Variants in PSD3 observed in about 807,000 individuals in gnomAD.
PSD3 encodes the protein PH and SEC7 domain-containing protein 3.
Under a neutral mutation model 105.5 loss-of-function variants are expected in PSD3, and 49 were observed. That is an observed-to-expected ratio of 0.46 (90% CI 0.37 to 0.59). The LOEUF (loss-of-function observed/expected upper bound fraction) is 0.59. Among genes scored for constraint, PSD3 ranks in the 20% least tolerant of loss-of-function variants. The probability of loss-of-function intolerance (pLI) is 0.00; values close to 1 mark genes in which losing one functional copy is unlikely to be tolerated. For synonymous variants in PSD3, 557 were observed against 457.8 expected (o/e 1.22, Z -2.77); for missense variants, 1,561 against 1,263.8 (o/e 1.24, Z -3.57).
chr8:18,669,965 T>G (rs562370427), intron 9 of PSD3, among the ~76,000 whole-genome samples: 4 of 152,190 alleles, frequency 2.6e-5, no homozygotes, highest in South Asian at 2.1e-4. Context: ...AATCCAGTGG[T>G]GAACAACAGA....
At chr8:18,745,987 G>C (rs1245229399) in intron 9 of PSD3, among the ~76,000 whole-genome samples, 10 of 152,330 alleles carry the variant, frequency 6.6e-5, no homozygotes, top group African/African-American at 2.2e-4. Context: ...CAGACAGACA[G>C]AGGCAGGTCC....
At chr8:18,667,803 C>T (rs1431704640) in intron 9 of PSD3, among the ~76,000 whole-genome samples, 1 of 152,212 alleles carries the variant, frequency 6.6e-6, no homozygotes, top group Admixed American at 6.5e-5. Flanking sequence ...GCATGGCGGG[C>T]TGCAGAGCCT....
intron 11 of PSD3, 43 bp downstream of exon 11, chr8:18,632,570 G>C (rs1226046572): frequency 6.4e-7 from 1 of 1,551,402 alleles, no homozygotes; most frequent in African/African-American, 1.4e-5. Flanking sequence ...TGAGCATAAA[G>C]ATAAAATAAA....
chr8:18,693,577 G>A (rs971402637), intron 9 of PSD3, among the ~76,000 whole-genome samples: 3 of 152,156 alleles, frequency 2.0e-5, no homozygotes, highest in Admixed American at 2.0e-4. Context: ...AAAGGTATAA[G>A]CCATGTGACC....
Position 18,777,133 on chromosome 8 carries a change from C to A in PSD3, c.2083-11595G>T, listed in dbSNP as rs1808177763. Among the ~76,000 whole-genome samples the A allele has an allele frequency of 2.0e-5, 3 of 152,120 alleles. No homozygotes were observed. The South Asian group carries it at 6.2e-4, about 31-fold the overall frequency. ...TCTTGGCTCACTGAAACCTCTGCCT[C>A]CTGGGTTCAAGCAATTCTTGTGCCT... is the stretch of plus-strand genomic sequence containing the variant. On this transcript the variant is annotated intron_variant, in intron 8 of 15. Transcript: ENST00000327040.
chr8:18,589,882 T>C (rs1027949976), intron 12 of PSD3, among the ~76,000 whole-genome samples: 1 of 152,234 alleles, frequency 6.6e-6, no homozygotes, highest in Non-Finnish European at 1.5e-5. Context: ...AGTTGTTCTT[T>C]GCGTCTGAGG....
chr8:18,689,675 G>A (rs559423140), intron 9 of PSD3, among the ~76,000 whole-genome samples: 1 of 152,332 alleles, frequency 6.6e-6, no homozygotes, highest in South Asian at 2.1e-4. Flanking sequence ...TACTGAAACA[G>A]AGTAAAGTGA....
intron 9 of PSD3, among the ~76,000 whole-genome samples, chr8:18,670,973 T>C (rs567751402): frequency 9.5e-4 from 144 of 152,194 alleles, no homozygotes; most frequent in Non-Finnish European, 1.8e-3. Context: ...ACATTAGATT[T>C]TATGCTCCTT....
intron 9 of PSD3, among the ~76,000 whole-genome samples, chr8:18,693,780 T>C (rs936202905): frequency 2.6e-5 from 4 of 152,210 alleles, no homozygotes; most frequent in African/African-American, 9.6e-5. Flanking sequence ...ATCCTCAAAA[T>C]AGCCTCCTCC....
chr8:18,622,883 T>G (rs765029102), intron 11 of PSD3, among the ~76,000 whole-genome samples: 8 of 152,174 alleles, frequency 5.3e-5, no homozygotes, highest in Non-Finnish European at 1.0e-4. Context: ...ATCTGTACTC[T>G]TACAGGTTCA....
intron 9 of PSD3, among the ~76,000 whole-genome samples, chr8:18,722,882 A>G (rs1285471571): frequency 6.6e-6 from 1 of 152,132 alleles, no homozygotes; most frequent in Non-Finnish European, 1.5e-5. Flanking sequence ...CTATTTCAGC[A>G]CCCGTTATGC....
At position 18,635,316 on chromosome 8, in the gene PSD3, T is replaced by C. The variant is rs1807173510; in HGVS notation, c.2217-2510A>G. 3.9e-5 allele frequency among the ~76,000 whole-genome samples: 6 copies of C among 152,250 alleles called. No individual in the cohort carries two copies. In the South Asian group the frequency reaches 1.2e-3, roughly 32 times the overall value. ...GAGAACAGTATTTAGAAATCAAATCTCGGGGCTAGGTGTGCTCATTGCTTT... is the reference window on the plus strand; with the variant it reads ...GAGAACAGTATTTAGAAATCAAATCCCGGGGCTAGGTGTGCTCATTGCTTT... On this transcript the variant is annotated intron_variant, in intron 10 of 15. Coordinates refer to ENST00000327040, the MANE Select transcript of PSD3 (RefSeq NM_015310.4).
chr8:18,995,736 G>A lies in PSD3; in HGVS notation c.21+17827C>T, dbSNP rs563167556. Among the ~76,000 whole-genome samples the A allele has an allele frequency of 5.3e-4, 80 of 152,058 alleles. 1 individual carries two copies. Among genetic ancestry groups the A allele is most frequent in the South Asian group, 1.9e-3 (9 of 4,760 alleles). On this transcript the variant is annotated intron_variant, in intron 1 of 15. Coordinates refer to ENST00000327040, the MANE Select transcript of PSD3 (RefSeq NM_015310.4). ...CGGCCAAAGGCACATCTTACATAGT[G>A]GCAGGCAAGAGAGCATGTGCAGGGG...
intron 4 of PSD3, among the ~76,000 whole-genome samples, chr8:18,821,044 G>A (rs1252342293): frequency 6.6e-6 from 1 of 152,104 alleles, no homozygotes; most frequent in Non-Finnish European, 1.5e-5. Flanking sequence ...TGGAGTCACT[G>A]CACCCAGCCT....
intron 9 of PSD3, among the ~76,000 whole-genome samples, chr8:18,666,542 G>A (rs150180524): frequency 2.0e-5 from 3 of 152,140 alleles, no homozygotes; most frequent in African/African-American, 2.4e-5. Flanking sequence ...AAGTCCAAAT[G>A]CTGGTTCATC....
intron 4 of PSD3, among the ~76,000 whole-genome samples, chr8:18,818,561 A>G (rs1355791507): frequency 6.6e-6 from 1 of 152,140 alleles, no homozygotes; most frequent in East Asian, 1.9e-4. Flanking sequence ...AAAAGAGGTT[A>G]GTGACATAAG....
chr8:19,037,018 C>A (rs1827964980), intron 1 of PSD3, among the ~76,000 whole-genome samples: 1 of 152,200 alleles, frequency 6.6e-6, no homozygotes, highest in Non-Finnish European at 1.5e-5. Flanking sequence ...CTACTCCCAC[C>A]ACTAATTAGA....
chr8:18,727,769 C>T (rs949508292), intron 9 of PSD3, among the ~76,000 whole-genome samples: 1 of 152,116 alleles, frequency 6.6e-6, no homozygotes, highest in African/African-American at 2.4e-5. Flanking sequence ...GTTATTTATA[C>T]TTCCCTATTA....
At chr8:18,913,837 C>A (rs1484686054) in intron 2 of PSD3, among the ~76,000 whole-genome samples, 1 of 151,224 alleles carries the variant, frequency 6.6e-6, no homozygotes, top group Non-Finnish European at 1.5e-5. Flanking sequence ...AAGCACACCC[C>A]AATGCCAGGC....
Sources: allele counts gnomAD v4.1 joint callset (sites outside exome capture counted in the v4.1 genomes callset), GRCh38; gene constraint gnomAD v4.1.1; transcripts MANE v1.5; gene names NCBI Gene and HGNC (gene_info 2026-07-23, HGNC 2026-07-21).